The following SAMD5 variants were observed in gnomAD, a reference collection of about 807,000 sequenced individuals.
The protein encoded by SAMD5 is sterile alpha motif domain containing 5.
In SAMD5, 13 loss-of-function variants were observed where a neutral mutation model predicts 11.3. The observed-to-expected ratio is 1.15, with a 90% CI of 0.75 to 1.83. SAMD5 has a LOEUF of 1.83. SAMD5 is among the 40% of genes most tolerant of loss of function. The probability of loss-of-function intolerance (pLI) is 0.00; values close to 1 mark genes in which losing one functional copy is unlikely to be tolerated. For synonymous variants in SAMD5, 129 were observed against 111.3 expected (o/e 1.16, Z -1.00); for missense variants, 255 against 239.1 (o/e 1.07, Z -0.44).
the SAMD5 span, among the ~76,000 whole-genome samples, chr6:147,761,276 A>T: frequency 6.6e-6 from 1 of 152,276 alleles, no homozygotes; most frequent in Non-Finnish European, 1.5e-5. Context: ...CTACTATTGA[A>T]CGTTTTGTTA....
intron 1 of SAMD5, among the ~76,000 whole-genome samples, chr6:147,641,215 T>A (rs1036006918): frequency 3.9e-5 from 6 of 152,312 alleles, no homozygotes; most frequent in Non-Finnish European, 7.3e-5. Flanking sequence ...GATATCTGAT[T>A]CAAATATGGA....
intron 1 of SAMD5, among the ~76,000 whole-genome samples, chr6:147,734,601 T>C (rs781314539): frequency 3.4e-4 from 51 of 150,344 alleles, no homozygotes; most frequent in Non-Finnish European, 5.2e-4. Context: ...TAGTCCCAGC[T>C]ACTCGGGAGG....
At chr6:147,893,826 G>A in the SAMD5 span, among the ~76,000 whole-genome samples, 2 of 152,174 alleles carry the variant, frequency 1.3e-5, no homozygotes, top group African/African-American at 4.8e-5. Flanking sequence ...GTACTCAGGT[G>A]GAGGTAATTT....
intron 1 of SAMD5, among the ~76,000 whole-genome samples, chr6:147,542,764 C>T (rs1788627179): frequency 1.3e-5 from 2 of 152,094 alleles, no homozygotes; most frequent in Admixed American, 1.3e-4. Context: ...CTGCATAACT[C>T]CTAAACCATA....
chr6:147,601,883 G>C (rs935363686), intron 1 of SAMD5, among the ~76,000 whole-genome samples: 1 of 152,140 alleles, frequency 6.6e-6, no homozygotes, highest in African/African-American at 2.4e-5. Flanking sequence ...GGGTGCTAGG[G>C]AGTGTTCATA....
At chr6:147,623,340 C>T (rs1388270558) in intron 1 of SAMD5, among the ~76,000 whole-genome samples, 2 of 152,294 alleles carry the variant, frequency 1.3e-5, no homozygotes, top group South Asian at 2.1e-4. Context: ...TAAGTAGCCC[C>T]ATATGACAAA....
At chr6:147,558,553 A>T (rs1463692806) in intron 1 of SAMD5, among the ~76,000 whole-genome samples, 1 of 152,074 alleles carries the variant, frequency 6.6e-6, no homozygotes, top group Non-Finnish European at 1.5e-5. Flanking sequence ...CAGCTGTCAA[A>T]TTGATTTCCT....
chr6:147,783,246 G>A, the SAMD5 span, among the ~76,000 whole-genome samples: 1 of 152,100 alleles, frequency 6.6e-6, no homozygotes, highest in Non-Finnish European at 1.5e-5. Flanking sequence ...GGATCTGGCT[G>A]TTATAACCAC....
chr6:147,651,935 G>A (rs150964249), intron 1 of SAMD5, among the ~76,000 whole-genome samples: 262 of 146,820 alleles, frequency 1.8e-3, no homozygotes, highest in Non-Finnish European at 3.0e-3. Context: ...CAGAGTGGGG[G>A]TCGGAGTCCC....
chr6:147,824,149 C>T, the SAMD5 span, among the ~76,000 whole-genome samples: 1 of 152,166 alleles, frequency 6.6e-6, no homozygotes. Context: ...TTTAGCAACT[C>T]GGAGTAGTCT....
At chr6:147,938,254 A>T in the SAMD5 span, among the ~76,000 whole-genome samples, 1 of 151,770 alleles carries the variant, frequency 6.6e-6, no homozygotes, top group Non-Finnish European at 1.5e-5. Flanking sequence ...GGAGGGAAAC[A>T]TTTTTTTTGT....
the SAMD5 span, among the ~76,000 whole-genome samples, chr6:147,898,069 G>A: frequency 2.0e-5 from 3 of 151,674 alleles, no homozygotes; most frequent in Non-Finnish European, 4.4e-5. Flanking sequence ...CACAGCTGAG[G>A]GCCTGGTATT....
chr6:147,798,896 C>T, the SAMD5 span, among the ~76,000 whole-genome samples: 1 of 152,074 alleles, frequency 6.6e-6, no homozygotes, highest in Non-Finnish European at 1.5e-5. Context: ...GCAACCCCTG[C>T]CTTTTTTTGT....
At chr6:147,550,899 T>TA (rs1788760668) in intron 1 of SAMD5, among the ~76,000 whole-genome samples, 3 of 92,934 alleles carry the variant, frequency 3.2e-5, no homozygotes, top group Non-Finnish European at 5.0e-5. Flanking sequence ...ACCTCTTATA[T>TA]TTATATATAT....
intron 1 of SAMD5, among the ~76,000 whole-genome samples, chr6:147,621,766 T>A (rs1789972384): frequency 6.6e-6 from 1 of 152,156 alleles, no homozygotes; most frequent in South Asian, 2.1e-4. Flanking sequence ...CCTGGGGCCA[T>A]GGCAGGCATT....
intron 1 of SAMD5, among the ~76,000 whole-genome samples, chr6:147,518,060 C>T (rs1788199299): frequency 6.6e-6 from 1 of 152,138 alleles, no homozygotes; most frequent in African/African-American, 2.4e-5. Flanking sequence ...AAGAGCAAGG[C>T]ACCTGTCATG....
intron 1 of SAMD5, among the ~76,000 whole-genome samples, chr6:147,736,406 G>C (rs1355118267): frequency 6.6e-6 from 1 of 152,082 alleles, no homozygotes; most frequent in Non-Finnish European, 1.5e-5. Flanking sequence ...AATTTGATAT[G>C]TAATGTTTGA....
the SAMD5 span, among the ~76,000 whole-genome samples, chr6:147,895,738 G>C: frequency 6.6e-6 from 1 of 152,200 alleles, no homozygotes; most frequent in Non-Finnish European, 1.5e-5. Flanking sequence ...GAAAGAGGCT[G>C]ACTGGTTTGA....
At chr6:147,624,971 T>C (rs1364319496) in intron 1 of SAMD5, among the ~76,000 whole-genome samples, 1 of 151,904 alleles carries the variant, frequency 6.6e-6, no homozygotes, top group Non-Finnish European at 1.5e-5. Context: ...AAACAAACAA[T>C]AAAATAAAAA....
Sources: gnomAD v4.1 joint callset for allele counts (sites outside exome capture counted in the v4.1 genomes callset) on GRCh38, gnomAD v4.1.1 for gene constraint, MANE v1.5 for transcripts, NCBI Gene and HGNC (gene_info 2026-07-23, HGNC 2026-07-21) for gene names.